The following XIRP2 variants were observed in gnomAD, a reference collection of about 807,000 sequenced individuals.
XIRP2 encodes the protein xin actin binding repeat containing 2, also known as xin actin-binding repeat-containing protein 2.
A neutral mutation model predicts 277.0 loss-of-function variants in XIRP2; 236 were observed. The observed-to-expected ratio is 0.85, with a 90% confidence interval of 0.77 to 0.95. The LOEUF (loss-of-function observed/expected upper bound fraction) is 0.95. Ranked by LOEUF, XIRP2 falls within the 40% of genes least tolerant of loss-of-function variation. XIRP2 has a pLI of 0.00. For synonymous variants in XIRP2, 1,490 were observed against 1,416.5 expected (o/e 1.05, Z -1.17); for missense variants, 4,640 against 4,157.5 (o/e 1.12, Z -3.19).
intron 2 of XIRP2, among the ~76,000 whole-genome samples, chr2:166,986,506 G>A (rs915650873): frequency 1.1e-4 from 16 of 152,198 alleles, no homozygotes; most frequent in African/African-American, 2.9e-4. Context: ...TTAGGTATAT[G>A]TCAAAAGTGA....
At chr2:167,031,370 C>A (rs574568784) in intron 2 of XIRP2, among the ~76,000 whole-genome samples, 1 of 152,152 alleles carries the variant, frequency 6.6e-6, no homozygotes, top group Admixed American at 6.6e-5. Flanking sequence ...CCTTCAGGAG[C>A]TCTTTTAAGG....
chr2:167,171,656 T>C (rs1160289063), intron 3 of XIRP2, among the ~76,000 whole-genome samples: 1 of 152,232 alleles, frequency 6.6e-6, no homozygotes, highest in Non-Finnish European at 1.5e-5. Flanking sequence ...AAAGAGATGT[T>C]AAAGCTCCCA....
intron 2 of XIRP2, among the ~76,000 whole-genome samples, chr2:167,134,165 C>A (rs1240139553): frequency 6.6e-6 from 1 of 151,036 alleles, no homozygotes; most frequent in African/African-American, 2.4e-5. Flanking sequence ...AATGTATGTA[C>A]ACACATATAC....
At chr2:166,936,378 TGGTA>T (rs1315293824) in intron 2 of XIRP2, among the ~76,000 whole-genome samples, 2 of 152,350 alleles carry the variant, frequency 1.3e-5, no homozygotes, top group Non-Finnish European at 2.9e-5. Flanking sequence ...TTCACTCTGA[TGGTA>T]GTTTCTTTTA....
At chr2:167,150,690 A>G (rs1280900957) in intron 3 of XIRP2, among the ~76,000 whole-genome samples, 4 of 151,962 alleles carry the variant, frequency 2.6e-5, no homozygotes, top group Non-Finnish European at 1.5e-5. Flanking sequence ...TACTTGTATT[A>G]TTGTCTAAAA....
At chr2:167,018,306 T>C (rs1473050663) in intron 2 of XIRP2, among the ~76,000 whole-genome samples, 1 of 152,012 alleles carries the variant, frequency 6.6e-6, no homozygotes, top group Non-Finnish European at 1.5e-5. Flanking sequence ...AGTGAGATAG[T>C]CCTCAGACCC....
chr2:167,005,997 G>A (rs1687494819), intron 2 of XIRP2, among the ~76,000 whole-genome samples: 1 of 151,644 alleles, frequency 6.6e-6, no homozygotes, highest in South Asian at 2.1e-4. Flanking sequence ...CATAACTTTG[G>A]AAGTCTTTAT....
intron 2 of XIRP2, chr2:167,124,563 G>A (rs962958840): frequency 6.6e-6 from 1 of 152,206 alleles, no homozygotes; most frequent in Non-Finnish European, 1.5e-5. Flanking sequence ...TAGACTCAGT[G>A]TGGCTACAAA....
rs1187495029 is a variant in XIRP2 at position 167,246,942 on chromosome 2, G to A, written c.5550G>A (p.Gln1850=). The A allele has an allele frequency of 1.2e-6, 2 of 1,613,318 alleles. No homozygotes were observed. The highest frequency in any genetic ancestry group is 1.3e-5 in the African/African-American group (1 of 74,830). Residue 1850 remains glutamine (Q), a synonymous_variant, in exon 9 of 11, where the codon CAG becomes CAA. Coordinates refer to ENST00000409195, the MANE Select transcript of XIRP2 (RefSeq NM_152381.6). ...CATCAACCCTAAATTCCCTCAGCCA[G>A]GCTGTAAATCAGAAAACAGTGACGA... ...DLTSTLNSLS[Q]AVNQKTVTKT...
chr2:167,167,939 T>C (rs1263116667), intron 3 of XIRP2, among the ~76,000 whole-genome samples: 1 of 152,172 alleles, frequency 6.6e-6, no homozygotes, highest in African/African-American at 2.4e-5. Flanking sequence ...TGGCAACAAA[T>C]TTCCTCATTT....
At chr2:167,240,063 T>C in intron 6 of XIRP2, 98 bp downstream of exon 6, 1 of 1,042,444 alleles carries the variant, frequency 9.6e-7, no homozygotes, top group African/African-American at 1.7e-5. Context: ...CACTCATGTA[T>C]CTAGTATCAA....
intron 2 of XIRP2, among the ~76,000 whole-genome samples, chr2:167,069,829 A>G (rs1020837495): frequency 4.6e-5 from 7 of 152,264 alleles, no homozygotes; most frequent in Admixed American, 4.6e-4. Flanking sequence ...CAGTACTTGT[A>G]TAATGCTCCA....
rs1335937075 is a variant in XIRP2 at position 167,218,256 on chromosome 2, AC to A, written c.816del (p.Phe273LeufsTer62). On this transcript the variant is annotated frameshift_variant, in exon 5 of 11. Transcript: ENST00000409195. LOFTEE classifies it high-confidence loss of function. ...GGACGAAATTACTTCTTCCCGTAAT[AC>A]CTTTGCTCAATACCAATATCAACAT... is the stretch of plus-strand genomic sequence containing the variant. Reference protein sequence around the residue: ...FEDEITSSRNTFAQYQYQHQN... With the variant: ...FEDEITSSRNXFAQYQYQHQN... The A allele has an allele frequency of 1.9e-6, 3 of 1,606,730 alleles. No individual in the cohort carries two copies. Among genetic ancestry groups the A allele is most frequent in the East Asian group, 2.2e-5 (1 of 44,626 alleles).
At chr2:167,012,828 G>T (rs1419974846) in intron 2 of XIRP2, among the ~76,000 whole-genome samples, 1 of 151,412 alleles carries the variant, frequency 6.6e-6, no homozygotes, top group African/African-American at 2.4e-5. Flanking sequence ...TAGCCTTTCA[G>T]TCTGGCTATG....
chr2:167,103,831 T>TA (rs2105288458), intron 2 of XIRP2, among the ~76,000 whole-genome samples: 1 of 151,856 alleles, frequency 6.6e-6, no homozygotes, highest in East Asian at 1.9e-4. Flanking sequence ...AAAAGTAAAA[T>TA]ATCAAGGTGA....
In XIRP2 at chr2:166,912,048, C is replaced by G. The variant is rs1228533239; in HGVS notation, c.408+8158C>G. On this transcript the variant is annotated intron_variant, in intron 2 of 10. Transcript: ENST00000409195. ...TTCTGTCTGCCCTTAACATTTTTTC[C>G]TTCATTTCGACTTTGGTGAATCTGA... Among the ~76,000 whole-genome samples the G allele has an allele frequency of 2.6e-5, 4 of 152,088 alleles. No homozygotes were observed. In the East Asian group the frequency reaches 7.7e-4, roughly 29 times the overall value.
intron 3 of XIRP2, among the ~76,000 whole-genome samples, chr2:167,157,393 A>G (rs1692232374): frequency 6.6e-6 from 1 of 152,158 alleles, no homozygotes; most frequent in African/African-American, 2.4e-5. Flanking sequence ...TGATCCTAGT[A>G]TGTTCTAGGG....
Position 167,254,177 on chromosome 2 carries a change from A to C in XIRP2, c.*39+12A>C. ...AACAGTAAACTAAGGTAAAATGTTT[A>C]ATTGTCTTTGCCACAAATATTCCAG... On this transcript the variant is annotated intron_variant, in intron 10 of 10. Transcript: ENST00000409195. 6.2e-7 allele frequency: 1 copy of C among 1,605,906 alleles called. No homozygotes were observed. Among genetic ancestry groups the C allele is most frequent in the Non-Finnish European group, 8.5e-7 (1 of 1,176,024 alleles).
At chr2:167,218,727 C>CTGTTTTCT (rs1224600621) in intron 5 of XIRP2, among the ~76,000 whole-genome samples, 3 of 152,124 alleles carry the variant, frequency 2.0e-5, no homozygotes, top group Non-Finnish European at 4.4e-5. Context: ...GGGGAGTTTT[C>CTGTTTTCT]TGTTTTCTTT....
Sources: allele counts gnomAD v4.1 joint callset (sites outside exome capture counted in the v4.1 genomes callset), GRCh38; gene constraint gnomAD v4.1.1; transcripts MANE v1.5; gene names NCBI Gene and HGNC (gene_info 2026-07-23, HGNC 2026-07-21).